The following KCNK2 variants were observed in gnomAD, a reference collection of about 807,000 sequenced individuals.
The protein encoded by KCNK2 is potassium channel subfamily K member 2.
Under a neutral mutation model 40.5 loss-of-function variants are expected in KCNK2, and 21 were observed. That is an observed-to-expected ratio of 0.52 (90% CI 0.37 to 0.75). The LOEUF is 0.75. Ranked by LOEUF, KCNK2 falls within the 30% of genes least tolerant of loss-of-function variation. The pLI, the probability that KCNK2 is intolerant of heterozygous loss-of-function variation, is 0.00. For synonymous variants in KCNK2, 191 were observed against 202.2 expected (o/e 0.94, Z 0.47); for missense variants, 399 against 531.6 (o/e 0.75, Z 2.45).
At chr1:215,030,122 T>A (rs1460502880) in intron 1 of KCNK2, among the ~76,000 whole-genome samples, 1 of 151,122 alleles carries the variant, frequency 6.6e-6, no homozygotes. Context: ...AGTATCTTAT[T>A]GTTATCTTAA....
chr1:215,051,807 CAG>C (rs1421932441), intron 1 of KCNK2, among the ~76,000 whole-genome samples: 3 of 152,052 alleles, frequency 2.0e-5, no homozygotes, highest in Non-Finnish European at 4.4e-5. Context: ...TTTCCCAGCT[CAG>C]GGGGGATCTT....
At chr1:215,069,072 A>G (rs1328461317) in intron 1 of KCNK2, among the ~76,000 whole-genome samples, 1 of 152,230 alleles carries the variant, frequency 6.6e-6, no homozygotes, top group African/African-American at 2.4e-5. Flanking sequence ...ACAGTTTCAG[A>G]TAGCAGCAGT....
intron 5 of KCNK2, among the ~76,000 whole-genome samples, chr1:215,183,870 T>C (rs1195717742): frequency 6.6e-6 from 1 of 152,228 alleles, no homozygotes; most frequent in African/African-American, 2.4e-5. Flanking sequence ...TTTCTGAAGT[T>C]CTGTAAGATC....
intron 6 of KCNK2, among the ~76,000 whole-genome samples, chr1:215,222,960 T>A (rs1459302916): frequency 6.6e-6 from 1 of 152,150 alleles, no homozygotes; most frequent in African/African-American, 2.4e-5. Context: ...CTACTTTTAA[T>A]ATTTAACTTT....
At chr1:215,143,404 G>T (rs1376168561) in intron 3 of KCNK2, among the ~76,000 whole-genome samples, 2 of 152,056 alleles carry the variant, frequency 1.3e-5, no homozygotes, top group Non-Finnish European at 2.9e-5. Flanking sequence ...AAATGTCATA[G>T]GTCAGAAAAA....
chr1:215,201,273 C>A (rs1364881193), intron 6 of KCNK2, among the ~76,000 whole-genome samples: 1 of 152,040 alleles, frequency 6.6e-6, no homozygotes, highest in Non-Finnish European at 1.5e-5. Flanking sequence ...GAAAAAGAAT[C>A]CAAGAAAAGG....
chr1:215,158,822 A>G (rs1175674868), intron 3 of KCNK2, among the ~76,000 whole-genome samples: 1 of 152,178 alleles, frequency 6.6e-6, no homozygotes, highest in Non-Finnish European at 1.5e-5. Flanking sequence ...AATAAAGGAC[A>G]GTGTTGGATC....
chr1:215,165,796 T>C (rs1176188704), intron 3 of KCNK2, among the ~76,000 whole-genome samples: 5 of 151,984 alleles, frequency 3.3e-5, no homozygotes, highest in Admixed American at 3.3e-4. Flanking sequence ...TTTCAATCAG[T>C]TAATTTTAGG....
chr1:215,120,451 G>T (rs1181819287), intron 2 of KCNK2, among the ~76,000 whole-genome samples: 1 of 152,110 alleles, frequency 6.6e-6, no homozygotes, highest in African/African-American at 2.4e-5. Context: ...AAATGAACGT[G>T]TTGAAGAAAT....
At chr1:215,062,547 T>C (rs1658397395) in intron 1 of KCNK2, among the ~76,000 whole-genome samples, 1 of 151,036 alleles carries the variant, frequency 6.6e-6, no homozygotes, top group Non-Finnish European at 1.5e-5. Flanking sequence ...ACAAGAACTC[T>C]ACACCTGATA....
Position 215,077,121 on chromosome 1 carries a change from C to T in KCNK2, c.35-9247C>T, listed in dbSNP as rs116512767. On this transcript the variant is annotated intron_variant, in intron 1 of 6. Coordinates refer to the KCNK2 transcript ENST00000391895. ...TTCTGAGTGTGTCATAGGCCCATGC[C>T]TGAACCAGTTGAGAAGCTGAGAAAT... is the stretch of plus-strand genomic sequence containing the variant. Among the ~76,000 whole-genome samples, 584 of 152,324 alleles carry T rather than the reference C, an allele frequency of 3.8e-3. 4 individuals carry two copies. The highest frequency in any genetic ancestry group is 0.013 in the African/African-American group (545 of 41,576).
intron 5 of KCNK2, among the ~76,000 whole-genome samples, chr1:215,188,244 C>T (rs748891006): frequency 1.2e-4 from 19 of 152,126 alleles, no homozygotes; most frequent in Non-Finnish European, 2.5e-4. Flanking sequence ...ACCCTGTGCT[C>T]CCTCCTATAG....
At chr1:215,228,221 T>C (rs762693450) in intron 6 of KCNK2, among the ~76,000 whole-genome samples, 7 of 152,004 alleles carry the variant, frequency 4.6e-5, no homozygotes, top group Non-Finnish European at 8.8e-5. Flanking sequence ...TAAAGGAAAA[T>C]GAAGCTACAA....
chr1:215,213,398 C>T (rs1225225464), intron 6 of KCNK2, among the ~76,000 whole-genome samples: 1 of 152,126 alleles, frequency 6.6e-6, no homozygotes, highest in Admixed American at 6.5e-5. Context: ...CACCTGAGGT[C>T]AGGAGTTCGA....
At chr1:215,233,033 C>T (rs1214285826) in intron 6 of KCNK2, among the ~76,000 whole-genome samples, 1 of 152,142 alleles carries the variant, frequency 6.6e-6, no homozygotes, top group Admixed American at 6.5e-5. Context: ...TGGGAGTCCC[C>T]CCAAAACAGA....
At chr1:215,038,476 C>T (rs967257636) in intron 1 of KCNK2, among the ~76,000 whole-genome samples, 11 of 152,024 alleles carry the variant, frequency 7.2e-5, no homozygotes, top group Non-Finnish European at 1.3e-4. Context: ...TGGGTCCAAA[C>T]TTTATTCTTT....
In KCNK2 at chr1:215,065,308, G is replaced by A. The variant is rs185607997; in HGVS notation, c.35-21060G>A. Among the ~76,000 whole-genome samples, 7 of 152,064 alleles carry A rather than the reference G, an allele frequency of 4.6e-5. No individual in the cohort carries two copies. The East Asian group carries it at 1.4e-3, about 29-fold the overall frequency. ...TTTTGTACATTTGTTCTTTAAATAT[G>A]TACACCTGTGAACCAGAAGTTACAG... On this transcript the variant is annotated intron_variant, in intron 1 of 6. Transcript: ENST00000391895.
intron 2 of KCNK2, among the ~76,000 whole-genome samples, chr1:215,088,575 G>GA (rs10689637): frequency 0.04 from 5,334 of 133,718 alleles, 175 homozygotes; most frequent in African/African-American, 0.094. Flanking sequence ...GACAGGACAG[G>GA]AAAAAAAAAA....
intron 1 of KCNK2, among the ~76,000 whole-genome samples, chr1:215,053,749 T>G (rs1247299253): frequency 6.6e-6 from 1 of 152,208 alleles, no homozygotes; most frequent in Admixed American, 6.5e-5. Context: ...GGCAGATCAC[T>G]TAAGGCCAGG....
Sources: gnomAD v4.1 joint callset for allele counts (sites outside exome capture counted in the v4.1 genomes callset) on GRCh38, gnomAD v4.1.1 for gene constraint, MANE v1.5 for transcripts, NCBI Gene and HGNC (gene_info 2026-07-23, HGNC 2026-07-21) for gene names.